Variants in ERBB4 observed in about 807,000 individuals in gnomAD.
ERBB4 encodes the protein receptor tyrosine-protein kinase erbB-4.
In ERBB4, 42 loss-of-function variants were observed where a neutral mutation model predicts 158.0. The ratio of observed to expected loss-of-function variants is 0.27; its 90% CI spans 0.21 to 0.34. The LOEUF (loss-of-function observed/expected upper bound fraction) is 0.34, where lower values mean the gene tolerates loss of function less well. ERBB4 is among the 10% of genes least tolerant of loss of function. The pLI, the probability that ERBB4 is intolerant of heterozygous loss-of-function variation, is 1.00. For synonymous variants in ERBB4, 583 were observed against 558.7 expected (o/e 1.04, Z -0.61); for missense variants, 1,333 against 1,624.1 (o/e 0.82, Z 3.08).
chr2:212,028,170 C>T (rs1016026071), intron 2 of ERBB4, among the ~76,000 whole-genome samples: 1 of 152,004 alleles, frequency 6.6e-6, no homozygotes, highest in African/African-American at 2.4e-5. Context: ...ATGTGATGTC[C>T]TGTCACATCA....
At chr2:212,011,275 G>A (rs867863306) in intron 2 of ERBB4, among the ~76,000 whole-genome samples, 1 of 152,200 alleles carries the variant, frequency 6.6e-6, no homozygotes, top group Middle Eastern at 3.4e-3. Flanking sequence ...GCTCCAGCTG[G>A]TCCCTCCGTT....
chr2:211,436,881 CTA>C (rs1366297054), intron 20 of ERBB4, among the ~76,000 whole-genome samples: 1 of 152,098 alleles, frequency 6.6e-6, no homozygotes, highest in Non-Finnish European at 1.5e-5. Flanking sequence ...TTGGTGCCCT[CTA>C]TAAATACATC....
Position 211,908,898 on chromosome 2 carries a change from A to G in ERBB4, c.421+38532T>C, listed in dbSNP as rs1384205709. 3.3e-5 allele frequency among the ~76,000 whole-genome samples: 5 copies of G among 151,648 alleles called. 1 individual carries two copies. Among genetic ancestry groups the G allele is most frequent in the South Asian group, 4.2e-4 (2 of 4,808 alleles). ...TAACTGTATCACAAATAAAAAATTA[A>G]TATATATTATAAGCTAGATAAGAGT... On this transcript the variant is annotated intron_variant, in intron 3 of 27. Transcript: ENST00000342788.
chr2:212,284,843 C>G (rs971598724), intron 1 of ERBB4, among the ~76,000 whole-genome samples: 1 of 152,208 alleles, frequency 6.6e-6, no homozygotes, highest in Middle Eastern at 3.4e-3. Flanking sequence ...CTGGCAGAAT[C>G]TTCTCGGAAA....
At chr2:212,390,930 T>C (rs1347616538) in intron 1 of ERBB4, among the ~76,000 whole-genome samples, 1 of 151,872 alleles carries the variant, frequency 6.6e-6, no homozygotes, top group Non-Finnish European at 1.5e-5. Context: ...GTTATTTTCA[T>C]GGTTTTAAAA....
At chr2:212,217,437 G>GA (rs1003219653) in intron 1 of ERBB4, among the ~76,000 whole-genome samples, 6 of 149,368 alleles carry the variant, frequency 4.0e-5, no homozygotes, top group African/African-American at 1.2e-4. Context: ...AGACTTAGAA[G>GA]AAAAAAAAAG....
At chr2:212,459,285 T>A (rs1688457290) in intron 1 of ERBB4, among the ~76,000 whole-genome samples, 1 of 151,994 alleles carries the variant, frequency 6.6e-6, no homozygotes, top group African/African-American at 2.4e-5. Context: ...CAACTGTCAA[T>A]TTATTAAGGA....
At chr2:211,655,897 C>T (rs1009712966) in intron 16 of ERBB4, among the ~76,000 whole-genome samples, 5 of 152,238 alleles carry the variant, frequency 3.3e-5, no homozygotes, top group Non-Finnish European at 5.9e-5. Context: ...GCACATGCTT[C>T]GCTTTCTTTT....
rs185860782 is a variant in ERBB4 at position 212,505,189 on chromosome 2, C to T, written c.82+33260G>A. ...GAAGCTCACTGCAACCTCTGCCTCC[C>T]GGGTTCAAGCGATTCTCCTGCCTCA... is the stretch of plus-strand genomic sequence containing the variant. On this transcript the variant is annotated intron_variant, in intron 1 of 27. Coordinates refer to ENST00000342788, the MANE Select transcript of ERBB4 (RefSeq NM_005235.3). 3.7e-3 allele frequency among the ~76,000 whole-genome samples: 565 copies of T among 152,236 alleles called. 5 individuals are homozygous for T. The highest frequency in any genetic ancestry group is 0.013 in the African/African-American group (533 of 41,556).
chr2:211,401,107 C>CT (rs369390704), intron 25 of ERBB4, among the ~76,000 whole-genome samples: 1 of 151,818 alleles, frequency 6.6e-6, no homozygotes, highest in African/African-American at 2.4e-5. Flanking sequence ...AACTGCTATG[C>CT]TTTTTTTCAG....
intron 1 of ERBB4, among the ~76,000 whole-genome samples, chr2:212,466,903 A>G (rs1688864951): frequency 6.6e-6 from 1 of 152,190 alleles, no homozygotes; most frequent in African/African-American, 2.4e-5. Flanking sequence ...AGTGATATGA[A>G]CAATAAAGTT....
intron 2 of ERBB4, among the ~76,000 whole-genome samples, chr2:212,097,807 G>C (rs1477446904): frequency 1.3e-5 from 2 of 152,106 alleles, no homozygotes; most frequent in Non-Finnish European, 2.9e-5. Context: ...GTTTAATACA[G>C]AATATCATTA....
intron 2 of ERBB4, among the ~76,000 whole-genome samples, chr2:212,058,423 C>T (rs2077650325): frequency 3.3e-5 from 5 of 152,138 alleles, no homozygotes. Context: ...AGAGGGAATC[C>T]TCCCTAACTC....
chr2:212,069,692 T>C (rs1451501065), intron 2 of ERBB4, among the ~76,000 whole-genome samples: 1 of 151,990 alleles, frequency 6.6e-6, no homozygotes, highest in African/African-American at 2.4e-5. Context: ...AAAAAAACTA[T>C]TAGAATTAGC....
chr2:211,425,364 CTA>C (rs907789972), intron 22 of ERBB4, among the ~76,000 whole-genome samples: 2 of 116,100 alleles, frequency 1.7e-5, no homozygotes, highest in Non-Finnish European at 3.1e-5. Context: ...AAATATAAAA[CTA>C]TGTGGAATTT....
At chr2:211,810,759 G>A (rs1253763077) in intron 3 of ERBB4, among the ~76,000 whole-genome samples, 149 of 140,212 alleles carry the variant, frequency 1.1e-3, no homozygotes, top group African/African-American at 3.5e-3. Flanking sequence ...TGCAAGCTCC[G>A]CTTCCCGGGT....
At chr2:212,406,916 T>G (rs140952091) in intron 1 of ERBB4, among the ~76,000 whole-genome samples, 137 of 152,160 alleles carry the variant, frequency 9.0e-4, no homozygotes, top group African/African-American at 3.2e-3. Flanking sequence ...ATGCCATGCT[T>G]TCAACACCTA....
At chr2:212,003,185 G>GAAAGAAAGAAAGAAAGAAAGAAAGA (rs2076162769) in intron 2 of ERBB4, among the ~76,000 whole-genome samples, 1 of 66,354 alleles carries the variant, frequency 1.5e-5, no homozygotes, top group African/African-American at 4.3e-5. Context: ...AAGAAAGAAA[G>GAAAGAAAGAAAGAAAGAAAGAAAGA]AAAGAAAGAA....
chr2:212,493,416 C>T (rs1005570783), intron 1 of ERBB4, among the ~76,000 whole-genome samples: 11 of 150,928 alleles, frequency 7.3e-5, no homozygotes, highest in African/African-American at 2.7e-4. Context: ...CAAACATTTC[C>T]AGGACTTACA....
Sources: allele counts gnomAD v4.1 joint callset (sites outside exome capture counted in the v4.1 genomes callset), GRCh38; gene constraint gnomAD v4.1.1; transcripts MANE v1.5; gene names NCBI Gene and HGNC (gene_info 2026-07-23, HGNC 2026-07-21).